The following ITPR3 variants were observed in gnomAD, a reference collection of about 807,000 sequenced individuals.
The protein encoded by ITPR3 is inositol 1,4,5-trisphosphate-gated calcium channel ITPR3.
In ITPR3, 173 loss-of-function variants were observed where a neutral mutation model predicts 293.2. The ratio of observed to expected loss-of-function variants is 0.59; its 90% CI spans 0.52 to 0.67. The LOEUF (loss-of-function observed/expected upper bound fraction) is 0.67. Among genes scored for constraint, ITPR3 ranks in the 30% least tolerant of loss-of-function variants. The probability of loss-of-function intolerance (pLI) is 0.00; values close to 1 mark genes in which losing one functional copy is unlikely to be tolerated. For synonymous variants in ITPR3, 1,295 were observed against 1,444.4 expected (o/e 0.90, Z 2.35); for missense variants, 2,796 against 3,592.1 (o/e 0.78, Z 5.66).
chr6:33,690,015 G>A lies in ITPR3; in HGVS notation c.6868-19G>A. ...TAGGTGGTAGGGTGCTGACTCTCATGCCTTGCACTCGCCCCCAGCTGACCA... is the reference window on the plus strand; with the variant it reads ...TAGGTGGTAGGGTGCTGACTCTCATACCTTGCACTCGCCCCCAGCTGACCA... On this transcript the variant is annotated intron_variant, in intron 50 of 57. Transcript: ENST00000605930. 1.2e-6 allele frequency: 2 copies of A among 1,614,084 alleles called. No individual in the cohort carries two copies. The highest frequency in any genetic ancestry group is 1.7e-6 in the Non-Finnish European group (2 of 1,179,964).
At chr6:33,659,187 C>T (rs945387889) in intron 6 of ITPR3, 68 bp downstream of exon 6, 16 of 1,405,796 alleles carry the variant, frequency 1.1e-5, no homozygotes, top group African/African-American at 2.8e-5. Flanking sequence ...GTAGACACCC[C>T]GCTCCCTGCC....
In ITPR3 at chr6:33,638,846, G is replaced by A. The variant is rs1763883491; in HGVS notation, c.90-1638G>A. Among the ~76,000 whole-genome samples, 1 of 152,206 alleles carries A rather than the reference G, an allele frequency of 6.6e-6. No homozygotes were observed. Among genetic ancestry groups the A allele is most frequent in the South Asian group, 2.1e-4 (1 of 4,830 alleles). Reference sequence around the variant, plus strand: ...AACATGAAGGAGGGAGGCCCACAGGGGCTGGCCAAGGAAGGCTTTGTAGAG... The same window carrying A: ...AACATGAAGGAGGGAGGCCCACAGGAGCTGGCCAAGGAAGGCTTTGTAGAG... On this transcript the variant is annotated intron_variant, in intron 1 of 57. Coordinates refer to ENST00000605930, the MANE Select transcript of ITPR3 (RefSeq NM_002224.4). This position sits in a 1 kb window ranked among gnomAD's most constrained non-coding sequence, Gnocchi z 4.3.
rs147822380 is a variant in ITPR3 at position 33,675,161 on chromosome 6, C to T, written c.3117-530C>T. 9.9e-5 allele frequency among the ~76,000 whole-genome samples: 15 copies of T among 152,190 alleles called. No individual in the cohort carries two copies. The highest frequency in any genetic ancestry group is 1.8e-4 in the Non-Finnish European group (12 of 68,022). ...TTCTGGCTAGGTGTGGTCGCTCATG[C>T]TTGTAATCCCAGCACTTTGGGAGGC... On this transcript the variant is annotated intron_variant, in intron 24 of 57. Transcript: ENST00000605930. This position sits in a 1 kb window ranked among gnomAD's most constrained non-coding sequence, Gnocchi z 5.0.
Position 33,689,378 on chromosome 6 carries a change from G to A in ITPR3, c.6835G>A (p.Gly2279Arg), listed in dbSNP as rs1338189366. The change falls in exon 50 of 58, where the codon GGG becomes AGG. Residue 2279 changes from glycine to arginine, a missense_variant. Coordinates refer to ENST00000605930, the MANE Select transcript of ITPR3 (RefSeq NM_002224.4). ...ILRSIYYLGI[G>R]PTLNILGALN... Reference sequence around the variant, plus strand: ...GCGCTCCATCTACTATCTGGGCATCGGGCCCACACTCAACATCCTGGGTGC... The same window carrying A: ...GCGCTCCATCTACTATCTGGGCATCAGGCCCACACTCAACATCCTGGGTGC... The A allele has an allele frequency of 5.0e-6, 8 of 1,611,176 alleles. No individual in the cohort carries two copies. The highest frequency in any genetic ancestry group is 6.8e-6 in the Non-Finnish European group (8 of 1,179,998).
chr6:33,680,111 C>T lies in ITPR3; in HGVS notation c.4202C>T (p.Thr1401Met), dbSNP rs751861898. The change falls in exon 31 of 58, where the codon ACG becomes ATG. Residue 1401 changes from threonine (T) to methionine (M), a missense_variant. Physicochemically the swap from Thr to Met is moderately conservative, Grantham distance 81. Coordinates refer to ENST00000605930, the MANE Select transcript of ITPR3 (RefSeq NM_002224.4). ...LPLEDVVSVV[T>M]HEDCITEVKM... The stretch of plus-strand genomic sequence containing the variant: ...CTGGAGGACGTGGTGTCTGTGGTGA[C>T]GCATGAGGACTGCATCACTGAGGTG... The T allele has an allele frequency of 1.2e-5, 19 of 1,613,332 alleles. No individual in the cohort carries two copies. The highest frequency in any genetic ancestry group is 1.6e-4 in the Middle Eastern group (1 of 6,078).
At position 33,672,275 on chromosome 6, in the gene ITPR3, G is replaced by T; in HGVS notation, c.2928+47G>T. 422 of 905,822 alleles carry T rather than the reference G, an allele frequency of 4.7e-4. No individual in the cohort carries two copies. The highest frequency in any genetic ancestry group is 5.8e-4 in the Non-Finnish European group (339 of 585,008). 56.1% of individuals were successfully genotyped at this position (905,822 alleles called of 1,614,324 possible). On this transcript the variant is annotated intron_variant, in intron 22 of 57. Transcript: ENST00000605930. The surrounding 1 kb of genome is among the most constrained non-coding windows in gnomAD (Gnocchi z 5.0). ...GGGAGGTGTTGGGTATAGGGGGAGG[G>T]TAATGGGGCGGGTACAGGGAGGCTG...
At chr6:33,694,733 A>G (rs973391625) in intron 56 of ITPR3, 191 bp from the exon 57 acceptor site, 32 of 654,540 alleles carry the variant, frequency 4.9e-5, no homozygotes, top group South Asian at 2.5e-4. Flanking sequence ...GAGGGTTGAC[A>G]AGAGGGTTGA....
At position 33,687,071 on chromosome 6, in the gene ITPR3, G is replaced by C; in HGVS notation, c.6042G>C (p.Glu2014Asp). The change falls in exon 44 of 58, where the codon GAG becomes GAC. Residue 2014 changes from glutamate (E) to aspartate (D), a missense_variant. Glu to Asp is a conservative substitution (Grantham distance 45). This residue lies in a region of ITPR3 where 704 missense variants were observed against 797.5 expected (regional missense o/e 0.88). Coordinates refer to ENST00000605930, the MANE Select transcript of ITPR3 (RefSeq NM_002224.4). The surrounding 1 kb of genome is among the most constrained non-coding windows in gnomAD (Gnocchi z 5.3). ...GCCGGCATGACAGTGAAAATGCTGA[G>C]CGAATCCTCATCAGCCTGCGGCCCC... is the stretch of plus-strand genomic sequence containing the variant. ...MESRHDSENAERILISLRPQE... is the reference protein window; with the variant it reads ...MESRHDSENADRILISLRPQE... 1 of 1,614,078 alleles carries C rather than the reference G, an allele frequency of 6.2e-7. No homozygotes were observed.
chr6:33,670,573 A>AG lies in ITPR3; in HGVS notation c.2440dup (p.Asp814GlyfsTer3). The AG allele has an allele frequency of 7.2e-7, 1 of 1,391,778 alleles. No individual in the cohort carries two copies. The highest frequency in any genetic ancestry group is 1.9e-5 in the Admixed American group (1 of 52,316). 86.2% of individuals were successfully genotyped at this position (1,391,778 alleles called of 1,614,324 possible). On this transcript the variant is annotated frameshift_variant, in exon 19 of 58. Transcript: ENST00000605930. LOFTEE classifies it high-confidence loss of function. This position sits in a 1 kb window ranked among gnomAD's most constrained non-coding sequence, Gnocchi z 6.7. ...GAGATCCCCACAGCCATCACCATCAAGGAGTGAGAGGGGTGGAGGCAGGGT... is the reference window on the plus strand; with the variant it reads ...GAGATCCCCACAGCCATCACCATCAAGGGAGTGAGAGGGGTGGAGGCAGGGT...
rs1446715849 is a variant in ITPR3, at chr6:33,633,525, G to A, written c.90-6959G>A. Among the ~76,000 whole-genome samples the A allele has an allele frequency of 1.3e-5, 2 of 152,066 alleles. No homozygotes were observed. Among genetic ancestry groups the A allele is most frequent in the Non-Finnish European group, 2.9e-5 (2 of 67,976 alleles). Reference sequence around the variant, plus strand: ...CCATCAGGTGGGGAGGGGTACCCCGGGGCCGCCCTCCGCGGGCAGACGAGC... The same window carrying A: ...CCATCAGGTGGGGAGGGGTACCCCGAGGCCGCCCTCCGCGGGCAGACGAGC... On this transcript the variant is annotated intron_variant, in intron 1 of 57. Transcript: ENST00000605930. This position sits in a 1 kb window ranked among gnomAD's most constrained non-coding sequence, Gnocchi z 5.2.
chr6:33,694,518 G>C (rs3227), intron 56 of ITPR3: 116,324 of 250,844 alleles, frequency 0.46, 30,604 homozygotes, highest in East Asian at 0.86. Context: ...TGTCTGACTC[G>C]CGTCTTCCCG....
Position 33,670,524 on chromosome 6 carries a change from G to T in ITPR3, c.2389G>T (p.Val797Phe). The T allele has an allele frequency of 6.2e-7, 1 of 1,613,238 alleles. No homozygotes were observed. The highest frequency in any genetic ancestry group is 8.5e-7 in the Non-Finnish European group (1 of 1,179,834). Reference protein sequence around the residue: ...DRDPQELVTPVKFARLWTEIP... With the variant: ...DRDPQELVTPFKFARLWTEIP... The stretch of plus-strand genomic sequence containing the variant: ...TGACCCCCAGGAGCTGGTCACGCCG[G>T]TCAAGTTTGCCCGTCTCTGGACTGA... The change falls in exon 19 of 58, where the codon GTC becomes TTC. Residue 797 changes from valine to phenylalanine, a missense_variant. Around this residue, in one of 8 missense-constraint regions of ITPR3, gnomAD observed 955 missense variants for 1,180.8 expected, o/e 0.81. Coordinates refer to ENST00000605930, the MANE Select transcript of ITPR3 (RefSeq NM_002224.4). The surrounding 1 kb of genome is among the most constrained non-coding windows in gnomAD (Gnocchi z 6.7).
rs369084413 is a variant in ITPR3 at position 33,684,516 on chromosome 6, G to A, written c.5046+51G>A. On this transcript the variant is annotated intron_variant, in intron 37 of 57. Coordinates refer to ENST00000605930, the MANE Select transcript of ITPR3 (RefSeq NM_002224.4). This position sits in a 1 kb window ranked among gnomAD's most constrained non-coding sequence, Gnocchi z 4.2. The stretch of plus-strand genomic sequence containing the variant: ...TGGGTGGGCCAGTCAGGAGTACCCA[G>A]GGGCTCAGGGTCAAGCCCGTCAGGC... 52 of 1,605,760 alleles carry A rather than the reference G, an allele frequency of 3.2e-5. No individual in the cohort carries two copies. Among genetic ancestry groups the A allele is most frequent in the Non-Finnish European group, 3.8e-5 (45 of 1,172,650 alleles).
chr6:33,670,823 G>T lies in ITPR3; in HGVS notation c.2586+8G>T, dbSNP rs202227435. 1,829 of 1,612,808 alleles carry T rather than the reference G, an allele frequency of 1.1e-3. No individual in the cohort carries two copies. The highest frequency in any genetic ancestry group is 1.4e-3 in the Non-Finnish European group (1,696 of 1,179,930). On this transcript the variant is annotated splice_region_variant and intron_variant, in intron 20 of 57. Coordinates refer to ENST00000605930, the MANE Select transcript of ITPR3 (RefSeq NM_002224.4). This position sits in a 1 kb window ranked among gnomAD's most constrained non-coding sequence, Gnocchi z 6.7. The stretch of plus-strand genomic sequence containing the variant: ...AACAAGCTCACTTTTGAGGTGGCTG[G>T]GGGAGTGCCCAGGGGCTGGGGGTCC...
intron 39 of ITPR3, 137 bp from the exon 40 acceptor site, chr6:33,685,222 C>A: frequency 1.1e-6 from 1 of 900,836 alleles, no homozygotes; most frequent in Non-Finnish European, 1.7e-6. Flanking sequence ...GCCATGGATG[C>A]TAGCCACCAG....
intron 22 of ITPR3, 75 bp from the exon 23 acceptor site, chr6:33,673,516 A>C: frequency 6.4e-7 from 1 of 1,572,988 alleles, no homozygotes; most frequent in Middle Eastern, 1.7e-4. Context: ...CCTGCCCCCC[A>C]TAAAGTAGGA....
At chr6:33,657,610 G>A (rs547427468) in intron 3 of ITPR3, among the ~76,000 whole-genome samples, 26 of 151,976 alleles carry the variant, frequency 1.7e-4, no homozygotes, top group African/African-American at 5.6e-4. Flanking sequence ...AGGTTCCTGG[G>A]GGGGTAAGGG....
Position 33,672,271 on chromosome 6 carries a change from G to T in ITPR3, c.2928+43G>T. On this transcript the variant is annotated intron_variant, in intron 22 of 57. Coordinates refer to ENST00000605930, the MANE Select transcript of ITPR3 (RefSeq NM_002224.4). The surrounding 1 kb of genome is among the most constrained non-coding windows in gnomAD (Gnocchi z 5.0). ...GTGTGGGAGGTGTTGGGTATAGGGG[G>T]AGGGTAATGGGGCGGGTACAGGGAG... 2.7e-6 allele frequency: 4 copies of T among 1,479,022 alleles called. No individual in the cohort carries two copies. Among genetic ancestry groups the T allele is most frequent in the Middle Eastern group, 1.7e-4 (1 of 5,736 alleles). The allele number at this position is 1,479,022 out of a possible 1,614,324, so 91.6% of individuals were successfully genotyped here. A position where few individuals can be genotyped will look rare whatever the true frequency, so the allele number is the denominator to read the frequency against.
At position 33,677,107 on chromosome 6, in the gene ITPR3, C is replaced by T. The variant is rs748859191; in HGVS notation, c.3522+18C>T. 1.2e-6 allele frequency: 2 copies of T among 1,611,416 alleles called. No homozygotes were observed. Among genetic ancestry groups the T allele is most frequent in the Non-Finnish European group, 1.7e-6 (2 of 1,177,820 alleles). Reference sequence around the variant, plus strand: ...TCAAGGGCGTGAGTGGCCAAGGGTCCTCGGGGTAGGGATCTGCAGCCCCAG... The same window carrying T: ...TCAAGGGCGTGAGTGGCCAAGGGTCTTCGGGGTAGGGATCTGCAGCCCCAG... On this transcript the variant is annotated intron_variant, in intron 27 of 57. Transcript: ENST00000605930.
Sources: allele counts gnomAD v4.1 joint callset (sites outside exome capture counted in the v4.1 genomes callset), GRCh38; gene constraint gnomAD v4.1.1; regional missense constraint gnomAD v4.1.1; non-coding constraint Gnocchi (gnomAD v3.1); transcripts MANE v1.5; gene names NCBI Gene and HGNC (gene_info 2026-07-23, HGNC 2026-07-21).